RWDD4: variants seen among roughly 807,000 people sequenced by gnomAD.
RWDD4 encodes RWD domain-containing protein 4.
A neutral mutation model predicts 30.0 loss-of-function variants in RWDD4; 16 were observed. That is an observed-to-expected ratio of 0.53 (90% CI 0.36 to 0.81). The LOEUF (loss-of-function observed/expected upper bound fraction) is 0.81, where lower values mean the gene tolerates loss of function less well. Ranked by LOEUF, RWDD4 falls within the 30% of genes least tolerant of loss-of-function variation. The pLI is 0.00. For synonymous variants in RWDD4, 45 were observed against 72.1 expected, an observed-to-expected ratio of 0.62 and a Z score of 1.90; for missense variants, 170 against 223.9, an observed-to-expected ratio of 0.76 and a Z score of 1.54.
At chr4:183,656,196 C>A in intron 1 of RWDD4, 1 of 307,654 alleles carries the variant, frequency 3.3e-6, no homozygotes, top group East Asian at 5.1e-5. Context: ...TATGATCGCG[C>A]TGACTTCTCA....
At chr4:183,650,446 T>C (rs1734051705) in intron 4 of RWDD4, among the ~76,000 whole-genome samples, 1 of 152,224 alleles carries the variant, frequency 6.6e-6, no homozygotes, top group African/African-American at 2.4e-5. Flanking sequence ...AGTCTTTTAG[T>C]GCATGACGTG....
At chr4:183,658,080 A>G (rs956241567) in intron 1 of RWDD4, among the ~76,000 whole-genome samples, 1 of 152,246 alleles carries the variant, frequency 6.6e-6, no homozygotes, top group Non-Finnish European at 1.5e-5. Flanking sequence ...GAAGAGATTC[A>G]GATATCAACT....
At chr4:183,643,297 C>T (rs539321789) in intron 7 of RWDD4, among the ~76,000 whole-genome samples, 2 of 146,314 alleles carry the variant, frequency 1.4e-5, no homozygotes, top group African/African-American at 5.0e-5. Context: ...CGTGGTGGCG[C>T]ATGCCCATAG....
chr4:183,643,429 A>AAAAAAAAAAAAAAAAAC (rs1733906213), intron 7 of RWDD4, among the ~76,000 whole-genome samples: 1 of 136,188 alleles, frequency 7.3e-6, no homozygotes, highest in Non-Finnish European at 1.6e-5. Flanking sequence ...AAAAAAAAAA[A>AAAAAAAAAAAAAAAAAC]AAAAAAAAAA....
intron 2 of RWDD4, 67 bp from the exon 3 acceptor site, chr4:183,651,394 T>C: frequency 8.8e-7 from 1 of 1,138,362 alleles, no homozygotes; most frequent in Non-Finnish European, 1.3e-6. Context: ...AATTATAATC[T>C]TCAAAAGGGT....
At chr4:183,655,805 A>G in intron 2 of RWDD4, 76 bp downstream of exon 2, 1 of 831,324 alleles carries the variant, frequency 1.2e-6, no homozygotes, top group Non-Finnish European at 2.0e-6. Context: ...AGTTTAAAAA[A>G]CAAAATAAGC....
At chr4:183,644,934 T>C (rs1405453844) in intron 7 of RWDD4, among the ~76,000 whole-genome samples, 2 of 151,932 alleles carry the variant, frequency 1.3e-5, no homozygotes, top group Non-Finnish European at 2.9e-5. Context: ...ACCCTGTCTC[T>C]AGTAAAAATA....
chr4:183,642,477 C>A (rs1183932453), intron 7 of RWDD4, among the ~76,000 whole-genome samples: 2 of 151,968 alleles, frequency 1.3e-5, no homozygotes, highest in African/African-American at 2.4e-5. Context: ...GCGTGAGCCA[C>A]CACGCCCCAC....
At chr4:183,655,116 T>A (rs745808643) in intron 2 of RWDD4, among the ~76,000 whole-genome samples, 6 of 151,574 alleles carry the variant, frequency 4.0e-5, no homozygotes, top group African/African-American at 1.5e-4. Context: ...AATTTTTGTA[T>A]TTTTAGTAGA....
intron 1 of RWDD4, among the ~76,000 whole-genome samples, chr4:183,658,183 A>G (rs1734251988): frequency 6.6e-6 from 1 of 152,220 alleles, no homozygotes; most frequent in Non-Finnish European, 1.5e-5. Flanking sequence ...AGTTTCAAGC[A>G]TTATACTTTA....
At chr4:183,641,884 T>C (rs1218011400) in intron 7 of RWDD4, among the ~76,000 whole-genome samples, 1 of 152,172 alleles carries the variant, frequency 6.6e-6, no homozygotes, top group Non-Finnish European at 1.5e-5. Flanking sequence ...AACCTAAGAT[T>C]TACCATCTTA....
At chr4:183,642,758 T>C (rs1355137718) in intron 7 of RWDD4, among the ~76,000 whole-genome samples, 3 of 151,960 alleles carry the variant, frequency 2.0e-5, no homozygotes, top group Admixed American at 6.6e-5. Context: ...GCCAGAGAAG[T>C]TTCATAAGAA....
intron 2 of RWDD4, chr4:183,653,603 T>C (rs1029654903): frequency 1.3e-5 from 2 of 152,226 alleles, no homozygotes; most frequent in African/African-American, 4.8e-5. Flanking sequence ...AATCAACATC[T>C]CATCCTTACA....
intron 5 of RWDD4, among the ~76,000 whole-genome samples, chr4:183,647,909 C>CA (rs1223160124): frequency 6.6e-6 from 1 of 151,976 alleles, no homozygotes; most frequent in Non-Finnish European, 1.5e-5. Flanking sequence ...ACATAAACCA[C>CA]AAAAAAACTG....
At chr4:183,649,757 A>C (rs939212981) in intron 4 of RWDD4, among the ~76,000 whole-genome samples, 189 bp from the exon 5 acceptor site, 3 of 152,234 alleles carry the variant, frequency 2.0e-5, no homozygotes, top group African/African-American at 7.2e-5. Context: ...AAAAGTTCAG[A>C]TCAAAGGACG....
At chr4:183,649,830 G>A (rs527871212) in intron 4 of RWDD4, among the ~76,000 whole-genome samples, 1 of 152,328 alleles carries the variant, frequency 6.6e-6, no homozygotes, top group South Asian at 2.1e-4. Context: ...TCAGCCTTAT[G>A]TTGAAGATCT....
chr4:183,653,281 T>G (rs960506221), intron 2 of RWDD4, among the ~76,000 whole-genome samples: 1 of 152,002 alleles, frequency 6.6e-6, no homozygotes, highest in Non-Finnish European at 1.5e-5. Flanking sequence ...AATTAAGGAA[T>G]AATCTCGCTG....
At chr4:183,651,888 C>G (rs1472953596) in intron 2 of RWDD4, among the ~76,000 whole-genome samples, 1 of 152,186 alleles carries the variant, frequency 6.6e-6, no homozygotes, top group Non-Finnish European at 1.5e-5. Context: ...GCTCTGCTAA[C>G]TTTTTATTTA....
At chr4:183,645,368 C>T (rs1291957627) in intron 7 of RWDD4, among the ~76,000 whole-genome samples, 1 of 152,054 alleles carries the variant, frequency 6.6e-6, no homozygotes, top group African/African-American at 2.4e-5. Context: ...AAATCTGAGA[C>T]ATGTAGGCAG....
Sources: allele counts gnomAD v4.1 joint callset (sites outside exome capture counted in the v4.1 genomes callset), GRCh38; gene constraint gnomAD v4.1.1; transcripts MANE v1.5; gene names NCBI Gene and HGNC (gene_info 2026-07-23, HGNC 2026-07-21).